Variants in UBE3A observed in about 807,000 individuals in gnomAD.
UBE3A encodes the protein ubiquitin-protein ligase E3A.
In UBE3A, 6 loss-of-function variants were observed where a neutral mutation model predicts 83.4. The ratio of observed to expected loss-of-function variants is 0.07; its 90% CI spans 0.04 to 0.14. UBE3A has a LOEUF of 0.14. Ranked by LOEUF, UBE3A falls within the 10% of genes least tolerant of loss-of-function variation. The probability of loss-of-function intolerance (pLI) is 1.00; values close to 1 mark genes in which losing one functional copy is unlikely to be tolerated. For missense variants in UBE3A, 456 were observed against 1,036.1 expected (o/e 0.44, Z 7.69); for synonymous variants, 337 against 355.4 (o/e 0.95, Z 0.58).
In UBE3A at chr15:25,339,071, AAAATTTTTT is replaced by A; in HGVS notation, c.*57_*65del. The A allele has an allele frequency of 2.7e-6, 4 of 1,458,456 alleles. No individual in the cohort carries two copies. The highest frequency in any genetic ancestry group is 2.9e-5 in the African/African-American group (2 of 69,710). The allele number at this position is 1,458,456 out of a possible 1,614,324, so 90.3% of individuals were successfully genotyped here. A position where few individuals can be genotyped will look rare whatever the true frequency, so the allele number is the denominator to read the frequency against. Reference sequence around the variant, plus strand: ...AAAATTTATCCCTCGTTATATTTTTAAAATTTTTTAAATTTTTTCTTTTTTTTTCCTTCC... The same window carrying A: ...AAAATTTATCCCTCGTTATATTTTTAAAATTTTTTCTTTTTTTTTCCTTCC... On this transcript the variant is annotated 3_prime_UTR_variant, in exon 13 of 13. Transcript: ENST00000648336.
intron 4 of UBE3A, among the ~76,000 whole-genome samples, chr15:25,395,887 G>T (rs967071639): frequency 2.0e-5 from 3 of 152,134 alleles, no homozygotes; most frequent in East Asian, 3.8e-4. Flanking sequence ...AGTGTTAGAG[G>T]TAAAGAGTAA....
chr15:25,380,199 A>T (rs1413774399), intron 4 of UBE3A, among the ~76,000 whole-genome samples: 1 of 151,930 alleles, frequency 6.6e-6, no homozygotes, highest in African/African-American at 2.4e-5. Flanking sequence ...ATGATTCTGA[A>T]GCCTTCCCAG....
intron 3 of UBE3A, chr15:25,407,301 T>G: frequency 9.7e-7 from 1 of 1,033,814 alleles, no homozygotes; most frequent in Non-Finnish European, 1.2e-6. Flanking sequence ...TTCAAACACG[T>G]AGGCAGCAAA....
At chr15:25,397,124 TAC>T (rs2085765241) in intron 4 of UBE3A, among the ~76,000 whole-genome samples, 2 of 152,346 alleles carry the variant, frequency 1.3e-5, no homozygotes, top group South Asian at 4.1e-4. Context: ...GCTGCCTGGC[TAC>T]AGTTTCTAGA....
intron 6 of UBE3A, among the ~76,000 whole-genome samples, chr15:25,368,170 G>C (rs1348492020): frequency 6.6e-6 from 1 of 152,070 alleles, no homozygotes; most frequent in Admixed American, 6.6e-5. Flanking sequence ...ATAAGATCTT[G>C]AAAAATTCAT....
intron 11 of UBE3A, among the ~76,000 whole-genome samples, chr15:25,353,405 A>C (rs1326773212): frequency 2.0e-5 from 3 of 152,194 alleles, no homozygotes; most frequent in African/African-American, 7.2e-5. Flanking sequence ...ACCAAAATCC[A>C]TGCACGCTCA....
At chr15:25,354,735 A>C in intron 9 of UBE3A, 52 bp from the exon 10 acceptor site, 1 of 1,530,938 alleles carries the variant, frequency 6.5e-7, no homozygotes, top group Non-Finnish European at 9.0e-7. Flanking sequence ...ATGCAAACAA[A>C]ACACAAGTTA....
At chr15:25,418,200 A>C (rs1026508195) in intron 1 of UBE3A, 1 of 152,190 alleles carries the variant, frequency 6.6e-6, no homozygotes, top group Admixed American at 6.5e-5. Flanking sequence ...GTCAACTATG[A>C]TCTCGTTGAC....
intron 4 of UBE3A, among the ~76,000 whole-genome samples, chr15:25,387,432 G>A (rs1342689336): frequency 6.6e-6 from 1 of 152,086 alleles, no homozygotes; most frequent in Non-Finnish European, 1.5e-5. Flanking sequence ...TGAGGCAAGA[G>A]AATGGCGTGA....
rs199564561 is a variant in UBE3A, at chr15:25,360,346, T to A, written c.1753+37A>T. 692 of 1,612,162 alleles carry A rather than the reference T, an allele frequency of 4.3e-4. 1 individual carries two copies. Among genetic ancestry groups the A allele is most frequent in the Non-Finnish European group, 4.7e-4 (552 of 1,179,438 alleles). On this transcript the variant is annotated intron_variant, in intron 7 of 12. Coordinates refer to ENST00000648336, the MANE Select transcript of UBE3A (RefSeq NM_130839.5). ...ATAAACAAATAACTAACTCAAAAGA[T>A]GATACGACACCATAATCACATTACT...
At chr15:25,384,332 G>A (rs945018409) in intron 4 of UBE3A, among the ~76,000 whole-genome samples, 30 of 151,472 alleles carry the variant, frequency 2.0e-4, no homozygotes, top group African/African-American at 4.9e-4. Flanking sequence ...TTGGTGGCGC[G>A]CGCCTGTAAT....
chr15:25,376,732 C>A lies in UBE3A; in HGVS notation c.63-969G>T, dbSNP rs1053673872. Among the ~76,000 whole-genome samples, 7 of 118,064 alleles carry A rather than the reference C, an allele frequency of 5.9e-5. No homozygotes were observed. In the East Asian group the frequency reaches 3.3e-3, roughly 55 times the overall value. The allele number at this position is 118,064 out of a possible 152,430, so 77.5% of individuals were successfully genotyped here. On this transcript the variant is annotated intron_variant, in intron 4 of 12. Transcript: ENST00000648336. ...AAATCTAAAACTTGTCACTAAACCT[C>A]CTCATTAGTTCCACGTCACAAGATG...
chr15:25,393,992 C>T (rs2084977418), intron 4 of UBE3A: 1 of 152,218 alleles, frequency 6.6e-6, no homozygotes, highest in Non-Finnish European at 1.5e-5. Context: ...TGGACTTGTT[C>T]TGCTGTCTTC....
chr15:25,415,404 C>G (rs570613006), intron 1 of UBE3A, among the ~76,000 whole-genome samples: 10 of 152,310 alleles, frequency 6.6e-5, no homozygotes, highest in African/African-American at 2.2e-4. Context: ...ATGACATCAT[C>G]ACCAGTTACC....
intron 12 of UBE3A, 110 bp from the exon 13 acceptor site, chr15:25,339,367 G>A (rs2074340955): frequency 2.9e-6 from 4 of 1,358,928 alleles, no homozygotes; most frequent in African/African-American, 1.5e-5. Context: ...GGTCTGCAAT[G>A]CAAACTATAC....
At chr15:25,402,262 TG>T (rs1449521660) in intron 4 of UBE3A, among the ~76,000 whole-genome samples, 1 of 152,200 alleles carries the variant, frequency 6.6e-6, no homozygotes, top group Non-Finnish European at 1.5e-5. Context: ...GCCTGGAGTC[TG>T]GGTCAGCAGG....
chr15:25,390,271 G>A (rs1480379641), intron 4 of UBE3A, among the ~76,000 whole-genome samples: 4 of 152,140 alleles, frequency 2.6e-5, no homozygotes, highest in Non-Finnish European at 4.4e-5. Flanking sequence ...TTTACCATAA[G>A]ATCCAGCAAT....
In UBE3A at chr15:25,375,536, G is replaced by A. The variant is rs772110423; in HGVS notation, c.290C>T (p.Ser97Leu). 29 of 1,613,992 alleles carry A rather than the reference G, an allele frequency of 1.8e-5. No homozygotes were observed. Among genetic ancestry groups the A allele is most frequent in the Non-Finnish European group, 2.4e-5 (28 of 1,180,038 alleles). Residue 97 changes from serine (S) to leucine (L), a missense_variant, in exon 5 of 13, where the codon TCG becomes TTG. Transcript: ENST00000648336. ...KGASSAYLEN[S>L]KGAPNNSCSE... The stretch of plus-strand genomic sequence containing the variant: ...GCAGGAGTTGTTGGGGGCACCTTTC[G>A]AGTTCTCAAGGTAAGCTGAGCTTGC...
At chr15:25,357,255 T>TA (rs200234754) in intron 7 of UBE3A, 5,447 of 169,534 alleles carry the variant, frequency 0.032, 315 homozygotes, top group African/African-American at 0.12. Flanking sequence ...AAAATAAACA[T>TA]AAAAAAACAA....
Sources: gnomAD v4.1 joint callset for allele counts (sites outside exome capture counted in the v4.1 genomes callset) on GRCh38, gnomAD v4.1.1 for gene constraint, MANE v1.5 for transcripts, NCBI Gene and HGNC (gene_info 2026-07-23, HGNC 2026-07-21) for gene names.